The following MICAL2 variants were observed in gnomAD, a reference collection of about 807,000 sequenced individuals.
The protein encoded by MICAL2 is microtubule associated monooxygenase, calponin and LIM domain containing 2.
A neutral mutation model predicts 127.3 loss-of-function variants in MICAL2; 77 were observed. The ratio of observed to expected loss-of-function variants is 0.60; its 90% CI spans 0.50 to 0.73. The LOEUF (loss-of-function observed/expected upper bound fraction) is 0.73. MICAL2 is among the 30% of genes least tolerant of loss of function. The probability of loss-of-function intolerance (pLI) is 0.00; values close to 1 mark genes in which losing one functional copy is unlikely to be tolerated. For missense variants in MICAL2, 1,351 were observed against 1,434.4 expected (o/e 0.94, Z 0.94); for synonymous variants, 570 against 551.1 (o/e 1.03, Z -0.48).
chr11:12,244,107 A>G lies in MICAL2; in HGVS notation c.2779A>G (p.Arg927Gly), dbSNP rs750067335. ...PSTVDSASPA[R>G]KEKKSPSGFH... ...AACTGTTGACTCTGCTTCTCCTGCC[A>G]GAAAGGTAGTTGTCCTGAACAATTT... The change falls in exon 21 of 28, where the codon AGA becomes GGA. Residue 927 changes from arginine to glycine, a missense_variant. By Grantham distance (125) the Arg-to-Gly change is moderately radical. Coordinates refer to ENST00000683283, the MANE Select transcript of MICAL2 (RefSeq NM_001282663.2). 2 of 1,614,206 alleles carry G rather than the reference A, an allele frequency of 1.2e-6. No individual in the cohort carries two copies. Among genetic ancestry groups the G allele is most frequent in the Non-Finnish European group, 1.7e-6 (2 of 1,180,032 alleles).
chr11:12,314,054 T>C (rs1264200164), intron 29 of MICAL2, among the ~76,000 whole-genome samples: 1 of 150,196 alleles, frequency 6.7e-6, no homozygotes, highest in Admixed American at 6.6e-5. Context: ...TACTTTAATG[T>C]TACTGTATTA....
intron 1 of MICAL2, among the ~76,000 whole-genome samples, chr11:12,126,856 G>A (rs181286876): frequency 1.1e-3 from 169 of 152,220 alleles, no homozygotes; most frequent in Non-Finnish European, 1.6e-3. Context: ...GGCTAGGGAG[G>A]GCCTGGAAAG....
intron 1 of MICAL2, among the ~76,000 whole-genome samples, chr11:12,126,857 G>A (rs1355154860): frequency 6.6e-6 from 1 of 152,170 alleles, no homozygotes; most frequent in East Asian, 1.9e-4. Flanking sequence ...GCTAGGGAGG[G>A]CCTGGAAAGC....
intron 2 of MICAL2, among the ~76,000 whole-genome samples, chr11:12,283,240 A>G (rs1429631557): frequency 2.6e-5 from 4 of 151,878 alleles, no homozygotes; most frequent in African/African-American, 7.3e-5. Flanking sequence ...AGCTTCATTA[A>G]CCACAATTCT....
downstream of MICAL2, chr11:12,359,245 A>G (rs926630807): frequency 1.3e-5 from 2 of 152,040 alleles, no homozygotes; most frequent in African/African-American, 4.8e-5. Flanking sequence ...TCCCCGTGCT[A>G]TGCTTTTTAT....
intron 29 of MICAL2, chr11:12,319,598 G>A: frequency 2.4e-6 from 2 of 847,740 alleles, no homozygotes; most frequent in Non-Finnish European, 3.9e-6. Flanking sequence ...AGGGAGGAAG[G>A]GAATGAGAGT....
intron 1 of MICAL2, among the ~76,000 whole-genome samples, chr11:12,131,389 C>T (rs1371781511): frequency 6.6e-6 from 1 of 152,142 alleles, no homozygotes; most frequent in African/African-American, 2.4e-5. Context: ...GACCAGCTCC[C>T]CCTTCTCATC....
In MICAL2 at chr11:12,236,227, C is replaced by T; in HGVS notation, c.2046C>T (p.Gly682=). 6.2e-7 allele frequency: 1 copy of T among 1,614,198 alleles called. No individual in the cohort carries two copies. Among genetic ancestry groups the T allele is most frequent in the Non-Finnish European group, 8.5e-7 (1 of 1,180,034 alleles). Residue 682 remains glycine, a synonymous_variant, in exon 16 of 28, where the codon GGC becomes GGT. Coordinates refer to ENST00000683283, the MANE Select transcript of MICAL2 (RefSeq NM_001282663.2). ...ACATGAACAAACGGAGACGGAAGGG[C>T]TTCACCAACCTGGACGAGGTTTGTG... ...ENDMNKRRRK[G]FTNLDEPSNF...
intron 34 of MICAL2, among the ~76,000 whole-genome samples, chr11:12,355,302 G>T (rs1222861869): frequency 1.3e-5 from 2 of 152,154 alleles, no homozygotes; most frequent in African/African-American, 4.8e-5. Context: ...GGCGGGCCTA[G>T]TGCTGCCAGG....
chr11:12,342,105 G>T (rs1381175289), intron 32 of MICAL2, among the ~76,000 whole-genome samples: 1 of 152,256 alleles, frequency 6.6e-6, no homozygotes, highest in Non-Finnish European at 1.5e-5. Flanking sequence ...CAATTGAAGA[G>T]CCAGTTGACA....
At chr11:12,206,335 C>T (rs1284963619) in intron 4 of MICAL2, among the ~76,000 whole-genome samples, 2 of 152,260 alleles carry the variant, frequency 1.3e-5, no homozygotes, top group Middle Eastern at 3.4e-3. Flanking sequence ...CTTGGAAATC[C>T]TGCAGCGTGC....
At chr11:12,230,139 G>C (rs1390974218) in intron 15 of MICAL2, among the ~76,000 whole-genome samples, 1 of 152,204 alleles carries the variant, frequency 6.6e-6, no homozygotes, top group Non-Finnish European at 1.5e-5. Flanking sequence ...GGGCCACGTA[G>C]AAAGTACCTT....
At chr11:12,287,218 G>A in exon 3 of MICAL2, 1 of 398,810 alleles carries the variant, frequency 2.5e-6, no homozygotes, top group Non-Finnish European at 4.4e-6. Flanking sequence ...GAAGATCTCT[G>A]GTTAATTCTC....
intron 32 of MICAL2, among the ~76,000 whole-genome samples, chr11:12,345,116 CAA>C (rs796748173): frequency 1.8e-5 from 2 of 110,530 alleles, no homozygotes; most frequent in Non-Finnish European, 1.9e-5. Context: ...GAATCCATCT[CAA>C]AAAAAAAAAG....
intron 3 of MICAL2, among the ~76,000 whole-genome samples, chr11:12,199,797 G>T (rs1250571381): frequency 6.6e-6 from 1 of 152,188 alleles, no homozygotes; most frequent in Non-Finnish European, 1.5e-5. Flanking sequence ...TCTCTCCTCT[G>T]TGCTAACGTG....
intron 26 of MICAL2, 195 bp downstream of exon 26, chr11:12,260,092 G>C: frequency 6.5e-7 from 1 of 1,536,738 alleles, no homozygotes. Flanking sequence ...GGTCCTGGCA[G>C]CCATGTACAG....
chr11:12,329,744 T>G (rs966889378), intron 32 of MICAL2, among the ~76,000 whole-genome samples: 1 of 151,886 alleles, frequency 6.6e-6, no homozygotes, highest in African/African-American at 2.4e-5. Context: ...AAAATATTAC[T>G]AAGTATCCAC....
In MICAL2 at chr11:12,337,368, C is replaced by T. The variant is rs535834674; in HGVS notation, c.5515+10102C>T. 2.3e-3 allele frequency among the ~76,000 whole-genome samples: 343 copies of T among 152,016 alleles called. 2 individuals carry two copies. Among genetic ancestry groups the T allele is most frequent in the African/African-American group, 7.7e-3 (319 of 41,460 alleles). On this transcript the variant is annotated intron_variant, in intron 32 of 34. Transcript: ENST00000646065. Reference sequence around the variant, plus strand: ...TTTTATTCTTTATTAGTCTTGCTAGCGGTCTATCAATTTTGTTGATCTTTT... The same window carrying T: ...TTTTATTCTTTATTAGTCTTGCTAGTGGTCTATCAATTTTGTTGATCTTTT...
intron 3 of MICAL2, among the ~76,000 whole-genome samples, chr11:12,203,149 G>A (rs116176213): frequency 6.6e-6 from 1 of 152,048 alleles, no homozygotes; most frequent in Non-Finnish European, 1.5e-5. Flanking sequence ...TACCACATTT[G>A]GTTTCTTCAT....
Sources: allele counts gnomAD v4.1 joint callset (sites outside exome capture counted in the v4.1 genomes callset), GRCh38; gene constraint gnomAD v4.1.1; transcripts MANE v1.5; gene names NCBI Gene and HGNC (gene_info 2026-07-23, HGNC 2026-07-21).